Variants in GALNT13 observed in about 807,000 individuals in gnomAD.
GALNT13 encodes the protein polypeptide N-acetylgalactosaminyltransferase 13, also known as UDP-GalNAc:polypeptide N-acetylgalactosaminyltransferase 13.
In GALNT13, 28 loss-of-function variants were observed where a neutral mutation model predicts 64.2. That is an observed-to-expected ratio of 0.44 (90% confidence interval 0.32 to 0.60). The LOEUF is 0.60. Ranked by LOEUF, GALNT13 falls within the 20% of genes least tolerant of loss-of-function variation. The pLI, the probability that GALNT13 is intolerant of heterozygous loss-of-function variation, is 0.05. For missense variants in GALNT13, 577 were observed against 669.8 expected (o/e 0.86, Z 1.53); for synonymous variants, 214 against 224.6 (o/e 0.95, Z 0.42).
chr2:153,692,183 G>A, the GALNT13 span, among the ~76,000 whole-genome samples: 2 of 152,092 alleles, frequency 1.3e-5, no homozygotes, highest in East Asian at 3.9e-4. Flanking sequence ...TAAACATATT[G>A]TTAGAAATGA....
the GALNT13 span, among the ~76,000 whole-genome samples, chr2:153,684,228 AATT>A: frequency 6.6e-6 from 1 of 151,614 alleles, no homozygotes. Flanking sequence ...TTGTTATGAC[AATT>A]GTTGGTATGA....
the GALNT13 span, among the ~76,000 whole-genome samples, chr2:153,866,515 T>A: frequency 6.6e-6 from 1 of 152,160 alleles, no homozygotes; most frequent in East Asian, 1.9e-4. Context: ...TGCCACTGTG[T>A]TTGGTGCAAA....
the GALNT13 span, among the ~76,000 whole-genome samples, chr2:153,790,082 G>T: frequency 1.4e-4 from 21 of 152,210 alleles, no homozygotes; most frequent in African/African-American, 5.1e-4. Flanking sequence ...AACTCATTCT[G>T]TGAGGCCAGC....
chr2:154,012,485 T>C (rs997114207), intron 3 of GALNT13, among the ~76,000 whole-genome samples: 4 of 152,160 alleles, frequency 2.6e-5, no homozygotes, highest in Non-Finnish European at 5.9e-5. Context: ...CCCTTCTCTC[T>C]AGCTGCCTTT....
chr2:153,789,726 A>G, the GALNT13 span, among the ~76,000 whole-genome samples: 2 of 152,102 alleles, frequency 1.3e-5, no homozygotes, highest in East Asian at 1.9e-4. Context: ...CCAAATAAAC[A>G]CCATCAGAAA....
rs571464162 is a variant in GALNT13, at chr2:154,157,615, G to A, written c.311+17110G>A. On this transcript the variant is annotated intron_variant, in intron 4 of 12. Coordinates refer to ENST00000392825, the MANE Select transcript of GALNT13 (RefSeq NM_052917.4). ...AATACTTCTCTAGCGAATGCTTATC[G>A]TGGATTTGTTCATTTTTCTTTTCTT... Among the ~76,000 whole-genome samples the A allele has an allele frequency of 3.3e-5, 5 of 152,256 alleles. No homozygotes were observed. The East Asian group carries it at 5.8e-4, about 18-fold the overall frequency.
chr2:154,288,185 C>T (rs987012388), intron 8 of GALNT13, among the ~76,000 whole-genome samples: 11 of 152,020 alleles, frequency 7.2e-5, no homozygotes, highest in Admixed American at 6.6e-4. Flanking sequence ...TAGGATAATG[C>T]CCCTTTATAA....
chr2:153,819,503 G>T, the GALNT13 span, among the ~76,000 whole-genome samples: 1 of 152,182 alleles, frequency 6.6e-6, no homozygotes, highest in Admixed American at 6.5e-5. Flanking sequence ...ACCCTTGTCA[G>T]GGCTGGTACC....
the GALNT13 span, among the ~76,000 whole-genome samples, chr2:153,435,111 G>C: frequency 1.1e-4 from 17 of 152,102 alleles, no homozygotes; most frequent in South Asian, 3.3e-3. Flanking sequence ...TCTTGTTTTT[G>C]TCAGGTTTGT....
intron 8 of GALNT13, among the ~76,000 whole-genome samples, chr2:154,276,854 C>G (rs963864351): frequency 2.6e-5 from 4 of 152,122 alleles, no homozygotes; most frequent in Non-Finnish European, 5.9e-5. Flanking sequence ...GGCTTTTCCC[C>G]CTTTTGCTGG....
At chr2:153,498,102 A>G in the GALNT13 span, among the ~76,000 whole-genome samples, 2 of 152,230 alleles carry the variant, frequency 1.3e-5, no homozygotes, top group African/African-American at 2.4e-5. Flanking sequence ...GAGTAAACAA[A>G]TAGATCAAGT....
chr2:154,312,480 A>G (rs984203013), intron 9 of GALNT13, among the ~76,000 whole-genome samples: 7 of 152,190 alleles, frequency 4.6e-5, no homozygotes, highest in Non-Finnish European at 8.8e-5. Flanking sequence ...TTATCTATTC[A>G]TAGATCTTCA....
At chr2:153,301,877 TTGTGTG>T in the GALNT13 span, among the ~76,000 whole-genome samples, 19,919 of 146,086 alleles carry the variant, frequency 0.14, 1,638 homozygotes, top group Non-Finnish European at 0.2. Flanking sequence ...GTATTCCACT[TTGTGTG>T]TGTGTGTGTG....
chr2:153,614,314 G>A, the GALNT13 span, among the ~76,000 whole-genome samples: 2 of 151,964 alleles, frequency 1.3e-5, no homozygotes, highest in South Asian at 4.1e-4. Context: ...ATACTGTGGT[G>A]ATTAAAGAAA....
chr2:153,434,688 C>A, the GALNT13 span, among the ~76,000 whole-genome samples: 3 of 151,966 alleles, frequency 2.0e-5, no homozygotes, highest in Non-Finnish European at 4.4e-5. Context: ...TGGTTTTTTT[C>A]TTGTAAATTT....
At chr2:153,200,664 TAGAA>T in the GALNT13 span, among the ~76,000 whole-genome samples, 2 of 152,146 alleles carry the variant, frequency 1.3e-5, no homozygotes, top group Admixed American at 1.3e-4. Flanking sequence ...AAAAACTCAA[TAGAA>T]AGAACAGGTT....
the GALNT13 span, among the ~76,000 whole-genome samples, chr2:153,846,792 G>T: frequency 1.3e-5 from 2 of 151,984 alleles, no homozygotes; most frequent in East Asian, 1.9e-4. Context: ...TTTCCTACAG[G>T]GTATGAAGGA....
the GALNT13 span, among the ~76,000 whole-genome samples, chr2:153,362,553 C>CAAGAAAAA: frequency 1.2e-5 from 1 of 80,320 alleles, no homozygotes; most frequent in African/African-American, 5.2e-5. Context: ...AAATGGAGAG[C>CAAGAAAAA]AAAAAAAAAA....
the GALNT13 span, among the ~76,000 whole-genome samples, chr2:153,175,873 T>C: frequency 6.6e-6 from 1 of 152,126 alleles, no homozygotes; most frequent in East Asian, 1.9e-4. Flanking sequence ...AGCTAAAGAT[T>C]GAACATGAGA....
Sources: gnomAD v4.1 joint callset for allele counts (sites outside exome capture counted in the v4.1 genomes callset) on GRCh38, gnomAD v4.1.1 for gene constraint, MANE v1.5 for transcripts, NCBI Gene and HGNC (gene_info 2026-07-23, HGNC 2026-07-21) for gene names.